Variants in RYR2 observed in about 807,000 individuals in gnomAD.
RYR2 encodes ryanodine receptor 2.
Under a neutral mutation model 601.1 loss-of-function variants are expected in RYR2, and 227 were observed. The observed-to-expected ratio is 0.38, with a 90% CI of 0.34 to 0.42. The LOEUF (loss-of-function observed/expected upper bound fraction) is 0.42. RYR2 is among the 10% of genes least tolerant of loss of function. The probability of loss-of-function intolerance (pLI) is 1.00; values close to 1 mark genes in which losing one functional copy is unlikely to be tolerated. For synonymous variants in RYR2, 2,223 were observed against 2,175.1 expected (o/e 1.02, Z -0.61); for missense variants, 4,646 against 6,156.5 (o/e 0.75, Z 8.21).
intron 1 of RYR2, among the ~76,000 whole-genome samples, chr1:237,262,218 A>G (rs1688593741): frequency 2.2e-5 from 3 of 139,058 alleles, no homozygotes; most frequent in South Asian, 2.4e-4. Flanking sequence ...CCTTTCTTCC[A>G]TAAATATTAG....
chr1:237,618,004 G>A (rs947636668), intron 38 of RYR2, among the ~76,000 whole-genome samples: 10 of 152,152 alleles, frequency 6.6e-5, no homozygotes, highest in Non-Finnish European at 1.3e-4. Context: ...TGGGCTAGTT[G>A]GGGGATGTAA....
chr1:237,682,702 A>C (rs1685997732), intron 62 of RYR2, among the ~76,000 whole-genome samples: 2 of 152,196 alleles, frequency 1.3e-5, no homozygotes, highest in African/African-American at 2.4e-5. Flanking sequence ...CCATCATTAA[A>C]TGATGCATGA....
intron 10 of RYR2, among the ~76,000 whole-genome samples, chr1:237,392,618 T>G (rs1702477557): frequency 6.6e-6 from 1 of 151,590 alleles, no homozygotes; most frequent in Admixed American, 6.6e-5. Flanking sequence ...ATCCAAAATT[T>G]TATGTGAATA....
At chr1:237,408,579 T>C (rs1408907848) in intron 10 of RYR2, among the ~76,000 whole-genome samples, 2 of 152,048 alleles carry the variant, frequency 1.3e-5, no homozygotes, top group Non-Finnish European at 2.9e-5. Flanking sequence ...TTGAATACTG[T>C]AGCTTTATAG....
intron 14 of RYR2, among the ~76,000 whole-genome samples, chr1:237,450,926 C>G (rs1218893644): frequency 1.3e-5 from 2 of 151,974 alleles, no homozygotes; most frequent in Non-Finnish European, 2.9e-5. Flanking sequence ...GTTTATTCTC[C>G]TTGTTTCTTT....
At chr1:237,695,788 ACT>A (rs1370901618) in intron 63 of RYR2, among the ~76,000 whole-genome samples, 2 of 151,928 alleles carry the variant, frequency 1.3e-5, no homozygotes, top group African/African-American at 2.4e-5. Context: ...AATATTGAAG[ACT>A]CTACTTTTTC....
intron 1 of RYR2, among the ~76,000 whole-genome samples, chr1:237,094,505 G>A (rs894193849): frequency 2.0e-5 from 3 of 152,174 alleles, no homozygotes; most frequent in African/African-American, 7.2e-5. Context: ...TTGATGGACA[G>A]AAGTGACTTA....
chr1:237,767,789 A>G (rs548561698), intron 84 of RYR2, among the ~76,000 whole-genome samples: 1 of 152,166 alleles, frequency 6.6e-6, no homozygotes, highest in African/African-American at 2.4e-5. Flanking sequence ...ACTATTTTAA[A>G]ATATCTGTAG....
At chr1:237,396,231 A>C (rs1702844621) in intron 10 of RYR2, among the ~76,000 whole-genome samples, 1 of 152,088 alleles carries the variant, frequency 6.6e-6, no homozygotes, top group Non-Finnish European at 1.5e-5. Flanking sequence ...TAACAACCTG[A>C]GTGAGTAGAA....
chr1:237,071,030 G>T (rs1272381010), intron 1 of RYR2, among the ~76,000 whole-genome samples: 1 of 152,138 alleles, frequency 6.6e-6, no homozygotes, highest in Non-Finnish European at 1.5e-5. Flanking sequence ...CAACTCTTTC[G>T]GTCCTGCCAG....
intron 42 of RYR2, among the ~76,000 whole-genome samples, chr1:237,632,551 T>G (rs1392426463): frequency 6.6e-6 from 1 of 151,936 alleles, no homozygotes; most frequent in Non-Finnish European, 1.5e-5. Flanking sequence ...CCCACCACCA[T>G]TCCCTGCTAA....
intron 29 of RYR2, among the ~76,000 whole-genome samples, chr1:237,578,655 C>G (rs1287294863): frequency 6.6e-6 from 1 of 152,086 alleles, no homozygotes; most frequent in Non-Finnish European, 1.5e-5. Context: ...TGCAATGCCT[C>G]TTTTGGGGGT....
chr1:237,118,952 A>G (rs1670453018), intron 1 of RYR2, among the ~76,000 whole-genome samples: 1 of 152,132 alleles, frequency 6.6e-6, no homozygotes, highest in African/African-American at 2.4e-5. Flanking sequence ...AAAAAAATGA[A>G]TTTTAGAATG....
chr1:237,613,303 A>G (rs2148588871), intron 36 of RYR2, among the ~76,000 whole-genome samples: 1 of 152,354 alleles, frequency 6.6e-6, no homozygotes, highest in East Asian at 1.9e-4. Flanking sequence ...CCTCAATTGA[A>G]TATAAGCTCC....
chr1:237,614,137 A>G lies in RYR2; in HGVS notation c.5009A>G (p.His1670Arg). The stretch of plus-strand genomic sequence containing the variant: ...TCAGCCGTCTGTGCTCTTGGGAACC[A>G]CCGGGTGGCCCATGCCCTGTGCAGC... ...LYSAVCALGN[H>R]RVAHALCSHV... Residue 1670 changes from histidine (H) to arginine (R), a missense_variant, in exon 37 of 105, where the codon CAC becomes CGC. Transcript: ENST00000366574. The surrounding 1 kb of genome is among the most constrained non-coding windows in gnomAD (Gnocchi z 4.3). 1 of 1,614,032 alleles carries G rather than the reference A, an allele frequency of 6.2e-7. No individual in the cohort carries two copies. Among genetic ancestry groups the G allele is most frequent in the Non-Finnish European group, 8.5e-7 (1 of 1,179,904 alleles).
chr1:237,625,126 C>G (rs1271781373), intron 39 of RYR2, among the ~76,000 whole-genome samples: 1 of 151,218 alleles, frequency 6.6e-6, no homozygotes, highest in African/African-American at 2.4e-5. Flanking sequence ...TTCTAGTATC[C>G]CTACAAATAC....
At chr1:237,203,004 G>A (rs1681375613) in intron 1 of RYR2, among the ~76,000 whole-genome samples, 1 of 152,166 alleles carries the variant, frequency 6.6e-6, no homozygotes, top group Non-Finnish European at 1.5e-5. Flanking sequence ...TTGGAGGCAG[G>A]GGAGGCAGAG....
At chr1:237,525,707 C>T (rs760012974) in intron 24 of RYR2, among the ~76,000 whole-genome samples, 7 of 151,926 alleles carry the variant, frequency 4.6e-5, no homozygotes, top group Non-Finnish European at 8.8e-5. Context: ...TGGACAGATG[C>T]GGTGGCTCAC....
chr1:237,784,468 C>G lies in RYR2; in HGVS notation c.12756C>G (p.Ile4252Met), dbSNP rs1281597436. 5 of 1,613,514 alleles carry G rather than the reference C, an allele frequency of 3.1e-6. No homozygotes were observed. Among genetic ancestry groups the G allele is most frequent in the Non-Finnish European group, 8.5e-7 (1 of 1,179,774 alleles). Residue 4252 changes from isoleucine (I) to methionine (M), a missense_variant, in exon 90 of 105, where the codon ATC becomes ATG. Ile to Met is a conservative substitution (Grantham distance 10). Around this residue, in one of 17 missense-constraint regions of RYR2, gnomAD observed 364 missense variants for 442.9 expected, o/e 0.82. Coordinates refer to ENST00000366574, the MANE Select transcript of RYR2 (RefSeq NM_001035.3). This position sits in a 1 kb window ranked among gnomAD's most constrained non-coding sequence, Gnocchi z 7.1. The stretch of plus-strand genomic sequence containing the variant: ...CCCTGTTTGCGCTCAGGTACAATAT[C>G]TTGACCCTTATGCGAATGCTCAGTC... Reference protein sequence around the residue: ...RSALFALRYNILTLMRMLSLK... With the variant: ...RSALFALRYNMLTLMRMLSLK...
Sources: allele counts gnomAD v4.1 joint callset (sites outside exome capture counted in the v4.1 genomes callset), GRCh38; gene constraint gnomAD v4.1.1; regional missense constraint gnomAD v4.1.1; non-coding constraint Gnocchi (gnomAD v3.1); transcripts MANE v1.5; gene names NCBI Gene and HGNC (gene_info 2026-07-23, HGNC 2026-07-21).